The following TMOD1 variants were observed in gnomAD, a reference collection of about 807,000 sequenced individuals.
TMOD1 encodes the protein tropomodulin 1.
TMOD1 carries 17 observed loss-of-function variants against 40.6 expected under a neutral mutation model. The ratio of observed to expected loss-of-function variants is 0.42; its 90% confidence interval spans 0.29 to 0.63. The LOEUF is 0.63. Among genes scored for constraint, TMOD1 ranks in the 20% least tolerant of loss-of-function variants. TMOD1 has a pLI of 0.22. For synonymous variants in TMOD1, 181 were observed against 175.0 expected, an observed-to-expected ratio of 1.03 and a Z score of -0.27; for missense variants, 391 against 447.6, an observed-to-expected ratio of 0.87 and a Z score of 1.14.
At chr9:97,529,476 G>A (rs1334629632) in intron 2 of TMOD1, among the ~76,000 whole-genome samples, 2 of 151,706 alleles carry the variant, frequency 1.3e-5, no homozygotes, top group Non-Finnish European at 2.9e-5. Context: ...GCAGAATGGA[G>A]TACGAGGACT....
intron 8 of TMOD1, among the ~76,000 whole-genome samples, chr9:97,591,070 G>A (rs1464711298): frequency 6.6e-6 from 1 of 152,152 alleles, no homozygotes; most frequent in African/African-American, 2.4e-5. Flanking sequence ...GAAAAGATCT[G>A]TTCTTGGCAT....
intron 1 of TMOD1, among the ~76,000 whole-genome samples, chr9:97,511,358 C>T (rs1015574049): frequency 6.6e-6 from 1 of 152,174 alleles, no homozygotes; most frequent in African/African-American, 2.4e-5. Context: ...AAGTCCCCAT[C>T]CTCCTCCATT....
chr9:97,591,775 C>G (rs1247150871), intron 9 of TMOD1, among the ~76,000 whole-genome samples: 1 of 152,172 alleles, frequency 6.6e-6, no homozygotes, highest in Non-Finnish European at 1.5e-5. Flanking sequence ...ATACCCTTTT[C>G]TGAACTCATA....
Position 97,591,353 on chromosome 9 carries a change from A to G in TMOD1, c.933A>G (p.Thr311=), listed in dbSNP as rs755354230. Residue 311 remains threonine (T), a synonymous_variant, in exon 9 of 10, where the codon ACA becomes ACG. Coordinates refer to ENST00000259365, the MANE Select transcript of TMOD1 (RefSeq NM_003275.4). ...TGAGCATGTTGGAAAAAAACGCAAC[A>G]CTTCTCAAATTCGGCTACCACTTTA... is the stretch of plus-strand genomic sequence containing the variant. The part of the protein sequence containing the change: ...EIVSMLEKNA[T]LLKFGYHFTQ... The G allele has an allele frequency of 3.7e-6, 6 of 1,614,138 alleles. No homozygotes were observed. In the Admixed American group the frequency reaches 6.7e-5, roughly 18 times the overall value.
chr9:97,544,559 A>T (rs963162848), intron 2 of TMOD1, among the ~76,000 whole-genome samples: 29 of 152,132 alleles, frequency 1.9e-4, no homozygotes, highest in African/African-American at 7.0e-4. Flanking sequence ...AAAAAAAATT[A>T]AAAAGATTCC....
At chr9:97,592,068 G>T (rs1317391185) in intron 9 of TMOD1, among the ~76,000 whole-genome samples, 1 of 113,112 alleles carries the variant, frequency 8.8e-6, no homozygotes. Flanking sequence ...AATATTTTTT[G>T]ATAATGAACA....
chr9:97,503,057 C>T (rs1829531363), intron 1 of TMOD1, among the ~76,000 whole-genome samples: 1 of 152,206 alleles, frequency 6.6e-6, no homozygotes, highest in Non-Finnish European at 1.5e-5. Context: ...ATCGCAGAAC[C>T]AGACCCTGAA....
At chr9:97,592,228 A>G (rs1263785315) in intron 9 of TMOD1, among the ~76,000 whole-genome samples, 1 of 152,154 alleles carries the variant, frequency 6.6e-6, no homozygotes, top group African/African-American at 2.4e-5. Context: ...AGAATTTGAT[A>G]TAGCATTCAA....
chr9:97,567,231 C>T (rs1323964077), intron 7 of TMOD1, among the ~76,000 whole-genome samples: 1 of 152,230 alleles, frequency 6.6e-6, no homozygotes, highest in East Asian at 1.9e-4. Flanking sequence ...AAGCCACATG[C>T]CCTGTATGCT....
intron 2 of TMOD1, among the ~76,000 whole-genome samples, chr9:97,539,669 T>TA (rs1830244561): frequency 6.6e-6 from 1 of 152,160 alleles, no homozygotes; most frequent in African/African-American, 2.4e-5. Context: ...ATCATCCACT[T>TA]AAAGTGCACC....
chr9:97,552,076 G>A (rs560166780), intron 3 of TMOD1, among the ~76,000 whole-genome samples: 1 of 152,130 alleles, frequency 6.6e-6, no homozygotes, highest in African/African-American at 2.4e-5. Flanking sequence ...AGGTTTTTTT[G>A]TGTGGAAATT....
chr9:97,524,345 C>T (rs375463757), intron 2 of TMOD1, 37 bp downstream of exon 2: 42 of 1,604,304 alleles, frequency 2.6e-5, no homozygotes, highest in African/African-American at 4.0e-5. Context: ...TTGTCACTAG[C>T]GAGGGGACCT....
chr9:97,598,197 C>T (rs1310715899), intron 9 of TMOD1, among the ~76,000 whole-genome samples: 2 of 151,920 alleles, frequency 1.3e-5, no homozygotes, highest in Non-Finnish European at 2.9e-5. Flanking sequence ...GGTGTGGCAG[C>T]GGGCACCTGT....
At chr9:97,549,342 T>C (rs1273820680) in intron 3 of TMOD1, among the ~76,000 whole-genome samples, 1 of 152,174 alleles carries the variant, frequency 6.6e-6, no homozygotes, top group Non-Finnish European at 1.5e-5. Flanking sequence ...AGCCATCACA[T>C]TCACATGCCA....
chr9:97,565,809 G>A, intron 6 of TMOD1, 39 bp from the exon 7 acceptor site: 1 of 1,530,118 alleles, frequency 6.5e-7, no homozygotes, highest in Non-Finnish European at 9.0e-7. Context: ...TCCCAGAGGA[G>A]GCTTCTGGTC....
intron 8 of TMOD1, among the ~76,000 whole-genome samples, chr9:97,570,738 G>A (rs1563994352): frequency 6.6e-6 from 1 of 152,124 alleles, no homozygotes; most frequent in Admixed American, 6.5e-5. Flanking sequence ...AGGAGTGCCT[G>A]GTAAGTAAGT....
rs1326862513 is a variant in TMOD1, at chr9:97,601,087, G to A, written c.*1389G>A. Reference sequence around the variant, plus strand: ...TACAGGGTAACTGGAGGCGGGGCCAGGGCCTCAGCGCTATGGAAGAGTGTC... The same window carrying A: ...TACAGGGTAACTGGAGGCGGGGCCAAGGCCTCAGCGCTATGGAAGAGTGTC... On this transcript the variant is annotated 3_prime_UTR_variant, in exon 10 of 10. Coordinates refer to ENST00000259365, the MANE Select transcript of TMOD1 (RefSeq NM_003275.4). 1 of 1,304,174 alleles carries A rather than the reference G, an allele frequency of 7.7e-7. No individual in the cohort carries two copies. The highest frequency in any genetic ancestry group is 1.5e-5 in the African/African-American group (1 of 65,882). 80.8% of individuals were successfully genotyped at this position (1,304,174 alleles called of 1,614,324 possible).
Position 97,565,889 on chromosome 9 carries a change from G to A in TMOD1, c.660G>A (p.Leu220=). The change falls in exon 7 of 10, where the codon CTG becomes CTA. Residue 220 remains leucine (L), a synonymous_variant. Coordinates refer to ENST00000259365, the MANE Select transcript of TMOD1 (RefSeq NM_003275.4). ...IPTLKAYAEA[L]KENSYVKKFS... ...CCCTCAAGGCATATGCAGAAGCCCT[G>A]AAAGAAAACTCATATGTGAAGAAGT... is the stretch of plus-strand genomic sequence containing the variant. 1 of 1,614,192 alleles carries A rather than the reference G, an allele frequency of 6.2e-7. No individual in the cohort carries two copies. Among genetic ancestry groups the A allele is most frequent in the Non-Finnish European group, 8.5e-7 (1 of 1,180,032 alleles).
chr9:97,532,650 T>C (rs1453503308), intron 2 of TMOD1, among the ~76,000 whole-genome samples: 1 of 151,928 alleles, frequency 6.6e-6, no homozygotes, highest in African/African-American at 2.4e-5. Flanking sequence ...ACAGATAAAA[T>C]TTAAACCCTG....
Sources: gnomAD v4.1 joint callset for allele counts (sites outside exome capture counted in the v4.1 genomes callset) on GRCh38, gnomAD v4.1.1 for gene constraint, MANE v1.5 for transcripts, NCBI Gene and HGNC (gene_info 2026-07-23, HGNC 2026-07-21) for gene names.